TRABD2B: variants seen among roughly 807,000 people sequenced by gnomAD.
The protein encoded by TRABD2B is metalloprotease TIKI2.
Under a neutral mutation model 40.1 loss-of-function variants are expected in TRABD2B, and 14 were observed. The observed-to-expected ratio is 0.35, with a 90% CI of 0.23 to 0.55. TRABD2B has a LOEUF of 0.55. Ranked by LOEUF, TRABD2B falls within the 20% of genes least tolerant of loss-of-function variation. TRABD2B has a pLI of 0.90. For missense variants in TRABD2B, 541 were observed against 648.6 expected (o/e 0.83, Z 1.80); for synonymous variants, 263 against 277.0 (o/e 0.95, Z 0.50).
intron 2 of TRABD2B, among the ~76,000 whole-genome samples, chr1:47,803,920 G>A (rs1381152263): frequency 1.3e-5 from 2 of 152,192 alleles, no homozygotes; most frequent in Admixed American, 6.5e-5. Context: ...CCACCACCTT[G>A]TGGCAGAAGG....
intron 2 of TRABD2B, among the ~76,000 whole-genome samples, chr1:47,859,736 C>A (rs1390319483): frequency 6.6e-6 from 1 of 152,214 alleles, no homozygotes; most frequent in Non-Finnish European, 1.5e-5. Flanking sequence ...ACCAATCTGA[C>A]AAGTGTCTGT....
chr1:47,980,103 A>G (rs1645819571), intron 2 of TRABD2B, among the ~76,000 whole-genome samples: 1 of 152,134 alleles, frequency 6.6e-6, no homozygotes, highest in Non-Finnish European at 1.5e-5. Context: ...TGTGACCCCT[A>G]TGTGCTTCTA....
intron 2 of TRABD2B, among the ~76,000 whole-genome samples, chr1:47,909,668 G>C (rs1489017219): frequency 1.3e-5 from 2 of 150,034 alleles, no homozygotes; most frequent in South Asian, 2.1e-4. Flanking sequence ...TCATTATCAT[G>C]GGGAGGGCAC....
rs1198272847 is a variant in TRABD2B, at chr1:47,778,458, G to A, written c.1075C>T (p.His359Tyr). 1.3e-6 allele frequency: 2 copies of A among 1,535,724 alleles called. No homozygotes were observed. The highest frequency in any genetic ancestry group is 1.7e-6 in the Non-Finnish European group (2 of 1,146,510). The change falls in exon 5 of 7, where the codon CAC (histidine) becomes TAC (tyrosine). Residue 359 changes from histidine (H) to tyrosine (Y), a missense_variant. His to Tyr is a moderately conservative substitution (Grantham distance 83). Transcript: ENST00000606738. ...VDHTPAGQAI[H>Y]SPAPQSPAPS... ...GCACACCCAGATGTGGCTTACCTGT[G>A]TATGGCCTGCCCGGCGGGTGTGTGG...
chr1:47,815,560 G>A (rs74909010), intron 2 of TRABD2B, among the ~76,000 whole-genome samples: 190 of 152,242 alleles, frequency 1.2e-3, no homozygotes, highest in African/African-American at 4.5e-3. Context: ...GCCACCACTT[G>A]TCCACAGCCC....
chr1:47,765,586 C>T lies in TRABD2B; in HGVS notation c.*316G>A, dbSNP rs1444682961. The T allele has an allele frequency of 2.1e-5, 8 of 374,258 alleles. No homozygotes were observed. The highest frequency in any genetic ancestry group is 1.7e-4 in the Admixed American group (4 of 23,416). The allele number at this position is 374,258 out of a possible 1,614,324, so 23.2% of individuals were successfully genotyped here. On this transcript the variant is annotated 3_prime_UTR_variant, in exon 7 of 7. Transcript: ENST00000606738. Reference sequence around the variant, plus strand: ...TCACTGATGTCCCGGGTTCCCCTCCCGGGCCAGCACTAGGGCTAGGGGGTT... The same window carrying T: ...TCACTGATGTCCCGGGTTCCCCTCCTGGGCCAGCACTAGGGCTAGGGGGTT...
intron 6 of TRABD2B, among the ~76,000 whole-genome samples, chr1:47,769,489 G>C (rs1644351101): frequency 6.6e-6 from 1 of 152,202 alleles, no homozygotes; most frequent in Admixed American, 6.5e-5. Flanking sequence ...AGGAGTCCCA[G>C]AGAAATGGGG....
At chr1:47,859,667 C>T (rs2124550318) in intron 2 of TRABD2B, among the ~76,000 whole-genome samples, 1 of 152,296 alleles carries the variant, frequency 6.6e-6, no homozygotes, top group South Asian at 2.1e-4. Context: ...AAGCAGTGAT[C>T]ACATCTCCTG....
chr1:47,956,984 C>A (rs1373368185), intron 2 of TRABD2B, among the ~76,000 whole-genome samples: 5 of 152,226 alleles, frequency 3.3e-5, no homozygotes, highest in Non-Finnish European at 4.4e-5. Flanking sequence ...CCTCATACAA[C>A]CGGGTGCCCC....
intron 2 of TRABD2B, among the ~76,000 whole-genome samples, chr1:47,868,728 T>G (rs577321901): frequency 6.6e-6 from 1 of 152,194 alleles, no homozygotes; most frequent in East Asian, 1.9e-4. Context: ...ACCAAACTGG[T>G]CCCTGGTGCC....
At chr1:47,868,804 G>A (rs986348650) in intron 2 of TRABD2B, among the ~76,000 whole-genome samples, 24 of 152,234 alleles carry the variant, frequency 1.6e-4, no homozygotes, top group South Asian at 1.0e-3. Context: ...CTACTCAAGC[G>A]CAATCTGCCT....
chr1:47,839,982 G>C (rs1406299975), intron 2 of TRABD2B, among the ~76,000 whole-genome samples: 5 of 152,180 alleles, frequency 3.3e-5, no homozygotes, highest in Non-Finnish European at 7.4e-5. Context: ...GTCCAGGGTA[G>C]TGTGGACATC....
intron 2 of TRABD2B, among the ~76,000 whole-genome samples, chr1:47,953,744 T>G (rs956626094): frequency 5.9e-5 from 9 of 152,260 alleles, no homozygotes; most frequent in Non-Finnish European, 1.2e-4. Context: ...CTGACCTTTA[T>G]GCCTGGCTTC....
intron 2 of TRABD2B, among the ~76,000 whole-genome samples, chr1:47,866,049 CTT>C (rs3035689): frequency 0.36 from 53,807 of 151,566 alleles, 9,635 homozygotes; most frequent in East Asian, 0.49. Flanking sequence ...TACTTTGACT[CTT>C]GTTAATCATC....
chr1:47,918,187 T>C (rs931031077), intron 2 of TRABD2B, among the ~76,000 whole-genome samples: 1 of 152,202 alleles, frequency 6.6e-6, no homozygotes, highest in African/African-American at 2.4e-5. Context: ...CCACACTGCA[T>C]GGAAGGCAAG....
rs565778391 is a variant in TRABD2B, at chr1:47,872,256, T to C, written c.667-70637A>G. On this transcript the variant is annotated intron_variant, in intron 2 of 6. Transcript: ENST00000606738. The stretch of plus-strand genomic sequence containing the variant: ...CTGTGTCTGGCCTCCCAGGATAACA[T>C]TCCACTCCCTTTCTGGGTCATGGCT... Among the ~76,000 whole-genome samples the C allele has an allele frequency of 3.9e-5, 6 of 152,278 alleles. No homozygotes were observed. The East Asian group carries it at 5.8e-4, about 15-fold the overall frequency.
intron 2 of TRABD2B, among the ~76,000 whole-genome samples, chr1:47,876,624 C>A (rs1356805820): frequency 6.6e-6 from 1 of 152,194 alleles, no homozygotes; most frequent in Non-Finnish European, 1.5e-5. Flanking sequence ...AGCCATAGCC[C>A]TGTTCCTCAG....
intron 2 of TRABD2B, among the ~76,000 whole-genome samples, chr1:47,888,998 G>A (rs540354069): frequency 1.3e-5 from 2 of 152,294 alleles, no homozygotes; most frequent in South Asian, 2.1e-4. Context: ...TGTACTTGGC[G>A]CCCTTGCTTA....
At chr1:47,832,443 T>C (rs1191649946) in intron 2 of TRABD2B, among the ~76,000 whole-genome samples, 1 of 152,072 alleles carries the variant, frequency 6.6e-6, no homozygotes, top group African/African-American at 2.4e-5. Context: ...GGGATAACAA[T>C]AGCAATCCTG....
Sources: gnomAD v4.1 joint callset for allele counts (sites outside exome capture counted in the v4.1 genomes callset) on GRCh38, gnomAD v4.1.1 for gene constraint, MANE v1.5 for transcripts, NCBI Gene and HGNC (gene_info 2026-07-23, HGNC 2026-07-21) for gene names.